PALM2AKAP2: variants seen among roughly 807,000 people sequenced by gnomAD.
The protein encoded by PALM2AKAP2 is PALM2-AKAP2 fusion protein.
Under a neutral mutation model 71.5 loss-of-function variants are expected in PALM2AKAP2, and 37 were observed. That is an observed-to-expected ratio of 0.52 (90% CI 0.40 to 0.68). PALM2AKAP2 has a LOEUF of 0.68. PALM2AKAP2 is among the 30% of genes least tolerant of loss of function. PALM2AKAP2 has a pLI of 0.00. For synonymous variants in PALM2AKAP2, 468 were observed against 478.8 expected (o/e 0.98, Z 0.29); for missense variants, 1,224 against 1,191.8 (o/e 1.03, Z -0.40).
At chr9:110,074,826 A>G (rs999522212) in intron 1 of PALM2AKAP2, among the ~76,000 whole-genome samples, 1 of 151,952 alleles carries the variant, frequency 6.6e-6, no homozygotes, top group African/African-American at 2.4e-5. Flanking sequence ...AACATGGTGA[A>G]ACCCCGTCTC....
chr9:110,124,933 A>T (rs1285011259), intron 1 of PALM2AKAP2, among the ~76,000 whole-genome samples: 1 of 152,248 alleles, frequency 6.6e-6, no homozygotes, highest in African/African-American at 2.4e-5. Context: ...ATGATATTAA[A>T]TATGTATTTC....
chr9:109,758,111 A>C (rs1828993281), intron 1 of PALM2AKAP2, among the ~76,000 whole-genome samples: 1 of 152,044 alleles, frequency 6.6e-6, no homozygotes, highest in Non-Finnish European at 1.5e-5. Context: ...TTTTAACCTA[A>C]ATACTAACAT....
intron 6 of PALM2AKAP2, among the ~76,000 whole-genome samples, chr9:109,936,985 C>G (rs1438768848): frequency 2.0e-5 from 3 of 152,204 alleles, no homozygotes; most frequent in Non-Finnish European, 2.9e-5. Flanking sequence ...TTTGTATGCT[C>G]TTGGACTGAT....
chr9:109,800,209 T>C (rs759456617), intron 1 of PALM2AKAP2, among the ~76,000 whole-genome samples: 1 of 152,232 alleles, frequency 6.6e-6, no homozygotes, highest in Non-Finnish European at 1.5e-5. Context: ...CAGAGGAGCA[T>C]ATTTCAAGGC....
intron 6 of PALM2AKAP2, among the ~76,000 whole-genome samples, chr9:109,969,584 T>G (rs1832026887): frequency 6.6e-6 from 1 of 152,218 alleles, no homozygotes; most frequent in Admixed American, 6.5e-5. Context: ...ATGCTCATCT[T>G]GGGGAAGGCC....
At chr9:109,746,745 AG>A (rs1229538317) in intron 1 of PALM2AKAP2, among the ~76,000 whole-genome samples, 2 of 152,200 alleles carry the variant, frequency 1.3e-5, no homozygotes, top group African/African-American at 4.8e-5. Flanking sequence ...CCTATGAGAT[AG>A]TCCTATTTTA....
chr9:109,825,159 T>A (rs57848614), intron 1 of PALM2AKAP2, among the ~76,000 whole-genome samples: 1 of 152,234 alleles, frequency 6.6e-6, no homozygotes, highest in Non-Finnish European at 1.5e-5. Context: ...GCTAGCCATA[T>A]GTAGAAAGCT....
chr9:110,004,729 T>A (rs1220758486), intron 6 of PALM2AKAP2, among the ~76,000 whole-genome samples: 2 of 152,216 alleles, frequency 1.3e-5, no homozygotes, highest in African/African-American at 2.4e-5. Flanking sequence ...TGTTTGTTAC[T>A]TTTTATTCTT....
At chr9:109,877,766 G>T (rs1829752384) in intron 2 of PALM2AKAP2, among the ~76,000 whole-genome samples, 1 of 152,166 alleles carries the variant, frequency 6.6e-6, no homozygotes, top group Non-Finnish European at 1.5e-5. Context: ...TCACTCAGCT[G>T]GTAAATGGCA....
chr9:110,153,344 G>A (rs1347007499), intron 2 of PALM2AKAP2, among the ~76,000 whole-genome samples: 1 of 152,136 alleles, frequency 6.6e-6, no homozygotes, highest in Non-Finnish European at 1.5e-5. Flanking sequence ...AGCCTCTGTG[G>A]TCATGACATC....
At chr9:109,680,015 A>G (rs968634500) in intron 1 of PALM2AKAP2, among the ~76,000 whole-genome samples, 1 of 152,180 alleles carries the variant, frequency 6.6e-6, no homozygotes, top group African/African-American at 2.4e-5. Context: ...ATGCAAAAGG[A>G]GAGAGTTTTT....
intron 2 of PALM2AKAP2, among the ~76,000 whole-genome samples, chr9:110,149,075 G>A (rs569932656): frequency 1.8e-4 from 28 of 152,268 alleles, no homozygotes; most frequent in African/African-American, 6.3e-4. Flanking sequence ...AAATCCATCC[G>A]GCCTGGAAAA....
chr9:110,135,524 A>T (rs1381103823), intron 1 of PALM2AKAP2, among the ~76,000 whole-genome samples: 1 of 152,052 alleles, frequency 6.6e-6, no homozygotes, highest in Non-Finnish European at 1.5e-5. Context: ...ACTAAAGAGT[A>T]TTATTTTGAT....
At chr9:109,886,677 ATC>A (rs1478677160) in intron 3 of PALM2AKAP2, among the ~76,000 whole-genome samples, 4 of 152,172 alleles carry the variant, frequency 2.6e-5, no homozygotes, top group Non-Finnish European at 5.9e-5. Context: ...TCAGTGAGCC[ATC>A]TCTCGGGATC....
chr9:110,061,606 T>A (rs993233274), intron 1 of PALM2AKAP2, among the ~76,000 whole-genome samples: 17 of 147,792 alleles, frequency 1.2e-4, no homozygotes, highest in Non-Finnish European at 1.9e-4. Flanking sequence ...TACCATTATT[T>A]TATATATATA....
intron 6 of PALM2AKAP2, among the ~76,000 whole-genome samples, chr9:110,001,046 T>C (rs1832672881): frequency 6.6e-6 from 1 of 152,260 alleles, no homozygotes; most frequent in Non-Finnish European, 1.5e-5. Flanking sequence ...TTTTGGCTTC[T>C]GTTGCCATTG....
At chr9:109,950,332 A>G (rs1265348192) in intron 6 of PALM2AKAP2, among the ~76,000 whole-genome samples, 3 of 152,074 alleles carry the variant, frequency 2.0e-5, no homozygotes, top group African/African-American at 7.2e-5. Flanking sequence ...TTGGCCTTCT[A>G]CATAACACAG....
At chr9:109,990,042 TCAC>T (rs1832447226) in intron 6 of PALM2AKAP2, among the ~76,000 whole-genome samples, 3 of 151,920 alleles carry the variant, frequency 2.0e-5, no homozygotes, top group African/African-American at 7.2e-5. Flanking sequence ...ACTGTTTAAG[TCAC>T]TGTTTTCTTT....
At chr9:110,011,834 TC>T (rs910605561) in intron 6 of PALM2AKAP2, among the ~76,000 whole-genome samples, 2 of 152,078 alleles carry the variant, frequency 1.3e-5, no homozygotes, top group African/African-American at 4.8e-5. Context: ...CTTGTTTCCA[TC>T]CCCAAGTCCA....
Sources: gnomAD v4.1 joint callset for allele counts (sites outside exome capture counted in the v4.1 genomes callset) on GRCh38, gnomAD v4.1.1 for gene constraint, MANE v1.5 for transcripts, NCBI Gene and HGNC (gene_info 2026-07-23, HGNC 2026-07-21) for gene names.